The following CC2D2B variants were observed in gnomAD, a reference collection of about 807,000 sequenced individuals.
The protein encoded by CC2D2B is coiled-coil and C2 domain containing 2B.
A neutral mutation model predicts 161.2 loss-of-function variants in CC2D2B; 128 were observed. The ratio of observed to expected loss-of-function variants is 0.79; its 90% CI spans 0.69 to 0.92. The LOEUF (loss-of-function observed/expected upper bound fraction) is 0.92. Among genes scored for constraint, CC2D2B ranks in the 40% least tolerant of loss-of-function variants. CC2D2B has a pLI of 0.00. For missense variants in CC2D2B, 1,173 were observed against 1,375.1 expected (o/e 0.85, Z 2.32); for synonymous variants, 391 against 449.8 (o/e 0.87, Z 1.65).
At chr10:95,913,943 T>C (rs1345944150) in intron 2 of CC2D2B, among the ~76,000 whole-genome samples, 1 of 152,242 alleles carries the variant, frequency 6.6e-6, no homozygotes, top group African/African-American at 2.4e-5. Context: ...TTTCCTTTAC[T>C]TTGCAGAAGC....
intron 2 of CC2D2B, among the ~76,000 whole-genome samples, chr10:95,916,915 T>C (rs968051566): frequency 1.3e-4 from 19 of 148,930 alleles, no homozygotes; most frequent in Admixed American, 1.1e-3. Context: ...ATTTGGTCTT[T>C]AGTGTAGATA....
intron 29 of CC2D2B, 60 bp from the exon 30 acceptor site, chr10:96,016,141 C>A (rs1045024251): frequency 1.9e-6 from 2 of 1,066,434 alleles, no homozygotes; most frequent in Non-Finnish European, 2.9e-6. Flanking sequence ...TGGATGCTTG[C>A]GTTACTCAAC....
At chr10:95,962,418 C>T (rs2076791806) in intron 12 of CC2D2B, among the ~76,000 whole-genome samples, 1 of 152,090 alleles carries the variant, frequency 6.6e-6, no homozygotes, top group African/African-American at 2.4e-5. Context: ...GGAAAGGATG[C>T]TGAGCAATAG....
At chr10:95,976,824 C>T (rs1414443576) in intron 17 of CC2D2B, among the ~76,000 whole-genome samples, 3 of 152,236 alleles carry the variant, frequency 2.0e-5, no homozygotes, top group Non-Finnish European at 2.9e-5. Context: ...TCTCGGCTCA[C>T]TGCAACCTCT....
intron 10 of CC2D2B, among the ~76,000 whole-genome samples, chr10:95,950,846 G>A (rs185269668): frequency 6.6e-6 from 1 of 151,800 alleles, no homozygotes; most frequent in Non-Finnish European, 1.5e-5. Flanking sequence ...TTGAGATGGA[G>A]TCTTGCTCTG....
At chr10:95,931,418 T>C (rs1245454513) in intron 6 of CC2D2B, among the ~76,000 whole-genome samples, 1 of 152,200 alleles carries the variant, frequency 6.6e-6, no homozygotes, top group Non-Finnish European at 1.5e-5. Context: ...TCTTGTCTTC[T>C]GCTAGCTTTT....
chr10:96,026,888 C>A (rs1413327999), intron 33 of CC2D2B, among the ~76,000 whole-genome samples: 1 of 152,220 alleles, frequency 6.6e-6, no homozygotes, highest in South Asian at 2.1e-4. Context: ...TTTGGGAGAC[C>A]GAGGAGGGCG....
intron 2 of CC2D2B, among the ~76,000 whole-genome samples, chr10:95,918,403 A>T (rs933852076): frequency 4.6e-5 from 7 of 152,096 alleles, no homozygotes; most frequent in African/African-American, 7.2e-5. Flanking sequence ...TAGGATAAAA[A>T]TTTTTTCCTT....
chr10:96,032,843 T>C lies in CC2D2B; in HGVS notation c.*835T>C, dbSNP rs2080105807. 2.1e-6 allele frequency: 1 copy of C among 466,654 alleles called. No individual in the cohort carries two copies. Among genetic ancestry groups the C allele is most frequent in the South Asian group, 1.6e-5 (1 of 63,550 alleles). The allele number at this position is 466,654 out of a possible 1,614,324, so 28.9% of individuals were successfully genotyped here. ...CTTGACAAATCTCAGGACTCTTTTT[T>C]TCCTTAGTGAGCAGCCCCCAACTCT... On this transcript the variant is annotated 3_prime_UTR_variant, in exon 35 of 35. Transcript: ENST00000646931.
chr10:95,912,281 G>A (rs1466505112), intron 2 of CC2D2B, among the ~76,000 whole-genome samples: 2 of 152,108 alleles, frequency 1.3e-5, no homozygotes, highest in African/African-American at 4.8e-5. Context: ...AACATTGCTA[G>A]AATAGTTTAC....
At position 95,995,159 on chromosome 10, in the gene CC2D2B, G is replaced by C; in HGVS notation, c.2643-110G>C. 5.6e-6 allele frequency: 3 copies of C among 537,988 alleles called. No individual in the cohort carries two copies. In the South Asian group the frequency reaches 9.6e-5, roughly 17 times the overall value. 33.3% of individuals were successfully genotyped at this position (537,988 alleles called of 1,614,324 possible). ...TTCAAGGCAAACTCAGTAAGAACCA[G>C]AGAAACTGACTTATATATCTTCATA... On this transcript the variant is annotated intron_variant, in intron 22 of 34. Transcript: ENST00000646931.
At chr10:95,967,774 A>C (rs1261628894) in intron 14 of CC2D2B, among the ~76,000 whole-genome samples, 2 of 152,172 alleles carry the variant, frequency 1.3e-5, no homozygotes, top group Non-Finnish European at 2.9e-5. Context: ...AGAGGCCAAC[A>C]GGGAGATAAG....
chr10:95,956,423 C>T (rs1169354531), intron 11 of CC2D2B, among the ~76,000 whole-genome samples: 2 of 151,856 alleles, frequency 1.3e-5, no homozygotes, highest in African/African-American at 4.8e-5. Flanking sequence ...AAAAGACAAG[C>T]TTGAAAATAT....
At chr10:95,980,596 A>C (rs1186477627) in intron 17 of CC2D2B, among the ~76,000 whole-genome samples, 1 of 152,196 alleles carries the variant, frequency 6.6e-6, no homozygotes, top group Non-Finnish European at 1.5e-5. Context: ...CTCTTATGAC[A>C]TAGATATCAA....
intron 9 of CC2D2B, among the ~76,000 whole-genome samples, chr10:95,942,285 A>C (rs765892710): frequency 2.6e-5 from 4 of 152,180 alleles, no homozygotes; most frequent in South Asian, 2.1e-4. Context: ...TGTAAACTTA[A>C]ACGAGGGTAG....
intron 22 of CC2D2B, among the ~76,000 whole-genome samples, chr10:95,994,507 G>A (rs2078152447): frequency 6.6e-6 from 1 of 152,182 alleles, no homozygotes; most frequent in South Asian, 2.1e-4. Flanking sequence ...CTGCAGGCAG[G>A]CCTGGATAAT....
intron 22 of CC2D2B, among the ~76,000 whole-genome samples, chr10:95,993,955 T>TAC (rs2078120804): frequency 7.4e-5 from 1 of 13,570 alleles, no homozygotes; most frequent in Non-Finnish European, 1.4e-4. Context: ...TGTATGTGTA[T>TAC]ATATATATAT....
intron 34 of CC2D2B, 30 bp from the exon 35 acceptor site, chr10:96,031,790 G>A: frequency 6.3e-7 from 1 of 1,581,844 alleles, no homozygotes; most frequent in South Asian, 1.1e-5. Flanking sequence ...TTGTAATGTG[G>A]GTTTATGTGC....
At chr10:95,966,062 G>A (rs1420149015) in intron 13 of CC2D2B, 64 bp downstream of exon 13, 2 of 761,678 alleles carry the variant, frequency 2.6e-6, no homozygotes, top group Non-Finnish European at 3.6e-6. Context: ...TTGATAGAAT[G>A]TGAAATCTTG....
Sources: gnomAD v4.1 joint callset for allele counts (sites outside exome capture counted in the v4.1 genomes callset) on GRCh38, gnomAD v4.1.1 for gene constraint, MANE v1.5 for transcripts, NCBI Gene and HGNC (gene_info 2026-07-23, HGNC 2026-07-21) for gene names.